The following FOLH1 variants were observed in gnomAD, a reference collection of about 807,000 sequenced individuals.
The protein encoded by FOLH1 is folate hydrolase 1.
A neutral mutation model predicts 93.9 loss-of-function variants in FOLH1; 54 were observed. The ratio of observed to expected loss-of-function variants is 0.57; its 90% CI spans 0.46 to 0.72. FOLH1 has a LOEUF of 0.72. Among genes scored for constraint, FOLH1 ranks in the 30% least tolerant of loss-of-function variants. FOLH1 has a pLI of 0.00. For missense variants in FOLH1, 571 were observed against 892.5 expected (o/e 0.64, Z 4.59); for synonymous variants, 249 against 303.6 (o/e 0.82, Z 1.87).
In FOLH1 at chr11:49,208,480, A is replaced by C; in HGVS notation, c.-71T>G. 9.5e-7 allele frequency: 1 copy of C among 1,050,052 alleles called. No homozygotes were observed. The highest frequency in any genetic ancestry group is 1.4e-6 in the Non-Finnish European group (1 of 716,652). 65.0% of individuals were successfully genotyped at this position (1,050,052 alleles called of 1,614,324 possible). ...CTGCTCTACTGCGCGCCCTCCAACC[A>C]CCACGGCGGGGTAAAGTCTCTCTCA... On this transcript the variant is annotated 5_prime_UTR_variant, in exon 1 of 19. Transcript: ENST00000256999.
intron 14 of FOLH1, among the ~76,000 whole-genome samples, 190 bp from the exon 15 acceptor site, chr11:49,156,997 T>C (rs1857106891): frequency 6.6e-6 from 1 of 152,158 alleles, no homozygotes; most frequent in African/African-American, 2.4e-5. Flanking sequence ...ATGAGACTAT[T>C]TCGTGTAGGA....
rs545282543 is a variant in FOLH1 at position 49,197,848 on chromosome 11, A to G, written c.411+2407T>C. Among the ~76,000 whole-genome samples, 5 of 152,308 alleles carry G rather than the reference A, an allele frequency of 3.3e-5. No homozygotes were observed. The South Asian group carries it at 1.0e-3, about 32-fold the overall frequency. On this transcript the variant is annotated intron_variant, in intron 3 of 18. Coordinates refer to ENST00000256999, the MANE Select transcript of FOLH1 (RefSeq NM_004476.3). The stretch of plus-strand genomic sequence containing the variant: ...ATGTAATTTATAGAAATAGATGTAA[A>G]TATAAAAAGAATTAACTTATAGTTG...
intron 1 of FOLH1, 169 bp from the exon 2 acceptor site, chr11:49,206,341 G>T: frequency 9.2e-7 from 1 of 1,087,066 alleles, no homozygotes; most frequent in Non-Finnish European, 1.3e-6. Flanking sequence ...CACTGAAAAA[G>T]AGTCATGCAA....
At position 49,157,918 on chromosome 11, in the gene FOLH1, C is replaced by T. The variant is rs568129365; in HGVS notation, c.1532+34G>A. ...CTTTTATTTTCAAAACAATCCCACA[C>T]TGAATTCAGTGGAAACTTCATTCAT... On this transcript the variant is annotated intron_variant, in intron 14 of 18. Transcript: ENST00000256999. 16 of 1,532,576 alleles carry T rather than the reference C, an allele frequency of 1.0e-5. No individual in the cohort carries two copies. In the South Asian group the frequency reaches 1.8e-4, roughly 17 times the overall value. 94.9% of individuals were successfully genotyped at this position (1,532,576 alleles called of 1,614,324 possible).
Position 49,192,876 on chromosome 11 carries a change from A to G in FOLH1, c.430T>C (p.Phe144Leu). The change falls in exon 4 of 19, where the codon TTT becomes CTT. Residue 144 changes from phenylalanine (F) to leucine (L), a missense_variant. By Grantham distance (22) the Phe-to-Leu change is conservative. Around this residue, in one of 2 missense-constraint regions of FOLH1, gnomAD observed 500 missense variants for 822.9 expected, o/e 0.61. Coordinates refer to ENST00000256999, the MANE Select transcript of FOLH1 (RefSeq NM_004476.3). Reference sequence around the variant, plus strand: ...TCATATCCTGGAGGAGGTGGTTCAAATAATGATGTGTTGAAAATCTAGAGA... The same window carrying G: ...TCATATCCTGGAGGAGGTGGTTCAAGTAATGATGTGTTGAAAATCTAGAGA... ...DGNEIFNTSLFEPPPPGYENV... is the reference protein window; with the variant it reads ...DGNEIFNTSLLEPPPPGYENV... The G allele has an allele frequency of 1.3e-6, 2 of 1,591,746 alleles. No homozygotes were observed. Among genetic ancestry groups the G allele is most frequent in the Non-Finnish European group, 1.7e-6 (2 of 1,169,698 alleles).
chr11:49,198,713 T>C (rs2135300594), intron 3 of FOLH1, among the ~76,000 whole-genome samples: 1 of 152,142 alleles, frequency 6.6e-6, no homozygotes, highest in Non-Finnish European at 1.5e-5. Context: ...TCTGAGACTA[T>C]ATGACGTGTA....
chr11:49,206,154 G>A lies in FOLH1; in HGVS notation c.137C>T (p.Ser46Phe), dbSNP rs747681322. ...GFLFGWFIKS[S>F]NEATNITPKH... is the part of the protein sequence containing the mutation. Reference sequence around the variant, plus strand: ...TGGAGTAATGTTAGTAGCTTCATTGGAGGATTTTATAAACCACCCTGAAAA... The same window carrying A: ...TGGAGTAATGTTAGTAGCTTCATTGAAGGATTTTATAAACCACCCTGAAAA... Residue 46 changes from serine to phenylalanine, a missense_variant, in exon 2 of 19, where the codon TCC (serine) becomes TTC (phenylalanine). Transcript: ENST00000256999. The A allele has an allele frequency of 1.9e-6, 3 of 1,611,928 alleles. No individual in the cohort carries two copies. The highest frequency in any genetic ancestry group is 1.7e-5 in the Admixed American group (1 of 59,712).
At chr11:49,150,102 A>C (rs1856316366) in intron 17 of FOLH1, among the ~76,000 whole-genome samples, 1 of 152,160 alleles carries the variant, frequency 6.6e-6, no homozygotes, top group African/African-American at 2.4e-5. Context: ...ATTACAGTGA[A>C]TAATACTGAA....
chr11:49,192,783 G>A lies in FOLH1; in HGVS notation c.513+10C>T. The A allele has an allele frequency of 6.3e-7, 1 of 1,588,094 alleles. No individual in the cohort carries two copies. Among genetic ancestry groups the A allele is most frequent in the Non-Finnish European group, 8.6e-7 (1 of 1,167,174 alleles). On this transcript the variant is annotated intron_variant, in intron 4 of 18. Transcript: ENST00000256999. ...TTTTGTCATTTTTATTTGTTGCACT[G>A]TGTTTTTACCTCTGGCATTCCTTGA...
chr11:49,163,903 C>A (rs1357389472), intron 13 of FOLH1, among the ~76,000 whole-genome samples: 1 of 152,086 alleles, frequency 6.6e-6, no homozygotes, highest in East Asian at 1.9e-4. Flanking sequence ...CCTGGGGTTG[C>A]ACATTCGCTC....
At chr11:49,198,602 A>C (rs1390581197) in intron 3 of FOLH1, among the ~76,000 whole-genome samples, 2 of 152,136 alleles carry the variant, frequency 1.3e-5, no homozygotes, top group Non-Finnish European at 2.9e-5. Flanking sequence ...ACATTTTAAC[A>C]TTGTCAATAT....
rs552172673 is a variant in FOLH1, at chr11:49,186,255, A to G, written c.639+389T>C. ...AATGACAGTAATTTTTAAATTTGCTATGTGTAAATTGTTTTCCCTCATTAT... is the reference window on the plus strand; with the variant it reads ...AATGACAGTAATTTTTAAATTTGCTGTGTGTAAATTGTTTTCCCTCATTAT... On this transcript the variant is annotated intron_variant, in intron 5 of 18. Coordinates refer to ENST00000256999, the MANE Select transcript of FOLH1 (RefSeq NM_004476.3). Among the ~76,000 whole-genome samples the G allele has an allele frequency of 3.2e-3, 483 of 152,354 alleles. 1 individual carries two copies. The highest frequency in any genetic ancestry group is 4.6e-3 in the Non-Finnish European group (311 of 68,030).
rs369440863 is a variant in FOLH1 at position 49,200,304 on chromosome 11, T to C, written c.362A>G (p.Asn121Ser). 55 of 1,610,076 alleles carry C rather than the reference T, an allele frequency of 3.4e-5. No individual in the cohort carries two copies. Among genetic ancestry groups the C allele is most frequent in the Non-Finnish European group, 4.6e-5 (54 of 1,177,696 alleles). Residue 121 changes from asparagine (N) to serine (S), a missense_variant, in exon 3 of 19, where the codon AAT becomes AGT. Coordinates refer to ENST00000256999, the MANE Select transcript of FOLH1 (RefSeq NM_004476.3). The part of the protein sequence containing the change: ...AHYDVLLSYP[N>S]KTHPNYISII... ...TGAGATGTAGTTGGGATGAGTCTTA[T>C]TTGGGTAGGACAACAGGACATCATA... is the stretch of plus-strand genomic sequence containing the variant.
chr11:49,206,412 A>G, intron 1 of FOLH1: 1 of 722,286 alleles, frequency 1.4e-6, no homozygotes, highest in Non-Finnish European at 2.3e-6. Flanking sequence ...AATGATAGGT[A>G]TTGCTGTTAT....
chr11:49,170,349 G>A (rs1050504813), intron 11 of FOLH1, among the ~76,000 whole-genome samples: 6 of 152,096 alleles, frequency 3.9e-5, no homozygotes, highest in Non-Finnish European at 5.9e-5. Flanking sequence ...GCATGGTGAC[G>A]CACGCCTGTA....
chr11:49,194,532 T>C (rs1169423918), intron 3 of FOLH1, among the ~76,000 whole-genome samples: 2 of 152,040 alleles, frequency 1.3e-5, no homozygotes, highest in African/African-American at 4.8e-5. Context: ...GGTTTCTATA[T>C]TGTAGAAATA....
intron 3 of FOLH1, 81 bp from the exon 4 acceptor site, chr11:49,192,975 A>G: frequency 2.4e-6 from 3 of 1,236,086 alleles, no homozygotes; most frequent in Non-Finnish European, 3.3e-6. Flanking sequence ...AATGAATATT[A>G]TCTTTTATGT....
intron 12 of FOLH1, among the ~76,000 whole-genome samples, chr11:49,167,523 A>T (rs943545345): frequency 3.9e-5 from 6 of 152,228 alleles, no homozygotes; most frequent in African/African-American, 1.4e-4. Flanking sequence ...TTGACAAAGA[A>T]GAAAAGGAAG....
chr11:49,205,048 T>A (rs1294653351), intron 2 of FOLH1, among the ~76,000 whole-genome samples: 1 of 151,926 alleles, frequency 6.6e-6, no homozygotes, highest in Non-Finnish European at 1.5e-5. Flanking sequence ...CTGTCTCTAT[T>A]AAAAATACAA....
Sources: gnomAD v4.1 joint callset for allele counts (sites outside exome capture counted in the v4.1 genomes callset) on GRCh38, gnomAD v4.1.1 for gene constraint, gnomAD v4.1.1 regional missense constraint, MANE v1.5 for transcripts, NCBI Gene and HGNC (gene_info 2026-07-23, HGNC 2026-07-21) for gene names.